Variants in PDIA6 observed in about 807,000 individuals in gnomAD.
The protein encoded by PDIA6 is protein disulfide isomerase family A member 6.
PDIA6 carries 29 observed loss-of-function variants against 58.4 expected under a neutral mutation model. The ratio of observed to expected loss-of-function variants is 0.50; its 90% CI spans 0.37 to 0.68. The LOEUF is 0.68. PDIA6 is among the 30% of genes least tolerant of loss of function. The pLI is 0.00. For missense variants in PDIA6, 480 were observed against 551.0 expected, an observed-to-expected ratio of 0.87 and a Z score of 1.29; for synonymous variants, 192 against 202.6, an observed-to-expected ratio of 0.95 and a Z score of 0.44.
chr2:10,835,136 C>A (rs1667803997), upstream of PDIA6, among the ~76,000 whole-genome samples: 1 of 152,158 alleles, frequency 6.6e-6, no homozygotes, highest in African/African-American at 2.4e-5. Flanking sequence ...CAGCAAGGAG[C>A]AGCACCAGCG....
chr2:10,786,239 C>T (rs1157064423), intron 11 of PDIA6, among the ~76,000 whole-genome samples: 1 of 151,954 alleles, frequency 6.6e-6, no homozygotes, highest in Non-Finnish European at 1.5e-5. Context: ...AGGAGAATCA[C>T]TTGAACCCGG....
At chr2:10,800,460 T>C (rs1666454855) in intron 2 of PDIA6, among the ~76,000 whole-genome samples, 1 of 152,244 alleles carries the variant, frequency 6.6e-6, no homozygotes, top group Non-Finnish European at 1.5e-5. Flanking sequence ...CTGTACTTAC[T>C]GTTCTTGTAA....
chr2:10,821,014 G>A (rs1053030328), intron 1 of PDIA6: 1 of 574,652 alleles, frequency 1.7e-6, no homozygotes, highest in Admixed American at 2.9e-5. Flanking sequence ...AAGGGGAGGG[G>A]GGTGGATTCT....
At chr2:10,785,968 A>C (rs982879132) in intron 11 of PDIA6, among the ~76,000 whole-genome samples, 8 of 151,746 alleles carry the variant, frequency 5.3e-5, no homozygotes, top group Middle Eastern at 3.2e-3. Context: ...CCTGCCTCAG[A>C]CTCCCAAAGT....
At chr2:10,786,835 T>C (rs947459376) in intron 11 of PDIA6, among the ~76,000 whole-genome samples, 2 of 152,212 alleles carry the variant, frequency 1.3e-5, no homozygotes, top group Non-Finnish European at 2.9e-5. Flanking sequence ...GTTTGCACAT[T>C]GTTGGAGTAA....
chr2:10,800,758 G>A (rs183264163), intron 2 of PDIA6, among the ~76,000 whole-genome samples: 58 of 152,058 alleles, frequency 3.8e-4, no homozygotes, highest in African/African-American at 1.4e-3. Context: ...ACGGCACCAC[G>A]TCTGGGTAAT....
chr2:10,787,232 G>A, intron 11 of PDIA6, 49 bp downstream of exon 11: 2 of 1,546,144 alleles, frequency 1.3e-6, no homozygotes, highest in Non-Finnish European at 1.8e-6. Context: ...ACCTACAACA[G>A]AACCAAACAA....
At chr2:10,806,650 A>AAGGAAAGACAGACAGACAG (rs1553339954) in intron 1 of PDIA6, among the ~76,000 whole-genome samples, 1 of 62,924 alleles carries the variant, frequency 1.6e-5, no homozygotes, top group Non-Finnish European at 4.5e-5. Context: ...AAGAAAGAAA[A>AAGGAAAGACAGACAGACAG]ACGTTACAGT....
chr2:10,796,987 G>T, intron 4 of PDIA6, 94 bp downstream of exon 4: 1 of 1,028,372 alleles, frequency 9.7e-7, no homozygotes, highest in Non-Finnish European at 1.5e-6. Flanking sequence ...CAATGAGGTT[G>T]AGAACCTTGC....
chr2:10,815,928 C>A (rs1667178134), upstream of PDIA6, among the ~76,000 whole-genome samples: 1 of 152,102 alleles, frequency 6.6e-6, no homozygotes, highest in South Asian at 2.1e-4. Context: ...CATCTCTAGA[C>A]CTTTTTTGTC....
At chr2:10,837,541 G>A (rs575495688) in exon 1 of PDIA6, 13 of 726,906 alleles carry the variant, frequency 1.8e-5, no homozygotes, top group Non-Finnish European at 3.2e-5. Flanking sequence ...CGAGCGCCGT[G>A]CAAGTATCAT....
intron 1 of PDIA6, among the ~76,000 whole-genome samples, chr2:10,806,650 A>AAAGAAAGAAAG: frequency 1.6e-5 from 1 of 62,922 alleles, no homozygotes; most frequent in African/African-American, 3.8e-5. Flanking sequence ...AAGAAAGAAA[A>AAAGAAAGAAAG]ACGTTACAGT....
intron 1 of PDIA6, among the ~76,000 whole-genome samples, chr2:10,819,912 G>A (rs550485189): frequency 8.5e-5 from 13 of 152,246 alleles, no homozygotes; most frequent in African/African-American, 2.9e-4. Flanking sequence ...CGAGAAGCCC[G>A]CCTCTGCTGG....
At chr2:10,806,628 C>CAGACAGACAGACAGACAGACAGAAAGAA (rs1553339929) in intron 1 of PDIA6, among the ~76,000 whole-genome samples, 8 of 70,426 alleles carry the variant, frequency 1.1e-4, no homozygotes, top group African/African-American at 2.1e-4. Flanking sequence ...AAAATAAAGA[C>CAGACAGACAGACAGACAGACAGAAAGAA]AGAAAGAAAG....
upstream of PDIA6, among the ~76,000 whole-genome samples, chr2:10,817,146 T>C (rs1334411434): frequency 6.6e-6 from 1 of 152,214 alleles, no homozygotes; most frequent in Non-Finnish European, 1.5e-5. Flanking sequence ...CTCAGGAAGC[T>C]TGTATGGTTT....
In PDIA6 at chr2:10,787,307, A is replaced by G. The variant is rs779840295; in HGVS notation, c.1131T>C (p.Ser377=). 4 of 1,614,174 alleles carry G rather than the reference A, an allele frequency of 2.5e-6. No homozygotes were observed. The East Asian group carries it at 8.9e-5, about 36-fold the overall frequency. ...MKFALLKGSF[S]EQGINEFLRE... ...TGAGAAACTCGTTGATGCCTTGCTC[A>G]CTGAAGGAGCCTTTTAGCAGAGCAA... The change falls in exon 11 of 13, where the codon AGT becomes AGC. Residue 377 remains serine (S), a synonymous_variant. Transcript: ENST00000272227.
intron 1 of PDIA6, among the ~76,000 whole-genome samples, chr2:10,825,485 A>G (rs1413026518): frequency 6.6e-6 from 1 of 152,240 alleles, no homozygotes; most frequent in African/African-American, 2.4e-5. Context: ...GACAATTTGG[A>G]ATTCATCAAA....
chr2:10,819,054 T>C (rs1667306718), intron 2 of PDIA6, among the ~76,000 whole-genome samples: 1 of 152,194 alleles, frequency 6.6e-6, no homozygotes, highest in Non-Finnish European at 1.5e-5. Context: ...TACTGTCCTT[T>C]TGTGAGTGAT....
At chr2:10,820,869 G>C (rs1329187731) in intron 1 of PDIA6, 2 of 702,930 alleles carry the variant, frequency 2.8e-6, no homozygotes, top group South Asian at 3.0e-5. Context: ...TCTCATGGAT[G>C]CTGGGGGTAT....
Sources: gnomAD v4.1 joint callset for allele counts (sites outside exome capture counted in the v4.1 genomes callset) on GRCh38, gnomAD v4.1.1 for gene constraint, MANE v1.5 for transcripts, NCBI Gene and HGNC (gene_info 2026-07-23, HGNC 2026-07-21) for gene names.